NRG1: variants seen among roughly 807,000 people sequenced by gnomAD.
NRG1 encodes the protein pro-neuregulin-1, membrane-bound isoform.
Under a neutral mutation model 63.8 loss-of-function variants are expected in NRG1, and 18 were observed. That is an observed-to-expected ratio of 0.28 (90% CI 0.19 to 0.42). The LOEUF (loss-of-function observed/expected upper bound fraction) is 0.42, where lower values mean the gene tolerates loss of function less well. Ranked by LOEUF, NRG1 falls within the 10% of genes least tolerant of loss-of-function variation. The pLI is 1.00. For synonymous variants in NRG1, 302 were observed against 301.3 expected (o/e 1.00, Z -0.02); for missense variants, 762 against 814.7 (o/e 0.94, Z 0.79).
chr8:32,746,596 T>A (rs1827476873), intron 7 of NRG1, among the ~76,000 whole-genome samples: 1 of 152,190 alleles, frequency 6.6e-6, no homozygotes, highest in African/African-American at 2.4e-5. Context: ...CGTGAGTCAA[T>A]ATTTAATAGT....
At chr8:32,415,926 C>T (rs997795249) in intron 1 of NRG1, among the ~76,000 whole-genome samples, 2 of 152,192 alleles carry the variant, frequency 1.3e-5, no homozygotes, top group Admixed American at 6.6e-5. Flanking sequence ...GTGCAGATTG[C>T]TGTATACTCA....
At chr8:32,670,572 A>G (rs1383985403) in intron 5 of NRG1, among the ~76,000 whole-genome samples, 2 of 152,236 alleles carry the variant, frequency 1.3e-5, no homozygotes, top group Non-Finnish European at 2.9e-5. Context: ...AGGGAAACAT[A>G]TCAAGATATT....
intron 1 of NRG1, among the ~76,000 whole-genome samples, chr8:32,125,578 C>T (rs534495568): frequency 6.6e-6 from 1 of 152,040 alleles, no homozygotes; most frequent in South Asian, 2.1e-4. Context: ...ACTCCTTAGT[C>T]TGACATTAAA....
At chr8:32,302,405 T>TAATAAACG (rs1212133374) in intron 1 of NRG1, among the ~76,000 whole-genome samples, 1 of 152,176 alleles carries the variant, frequency 6.6e-6, no homozygotes, top group Non-Finnish European at 1.5e-5. Flanking sequence ...AAGGGAGAAA[T>TAATAAACG]AATAAACGAG....
chr8:32,127,723 C>A (rs1048808323), intron 1 of NRG1, among the ~76,000 whole-genome samples: 3 of 151,712 alleles, frequency 2.0e-5, no homozygotes, highest in African/African-American at 4.8e-5. Context: ...GGAAGACACT[C>A]TTTTGCTGCT....
intron 1 of NRG1, among the ~76,000 whole-genome samples, chr8:31,711,782 G>C (rs1286780585): frequency 6.6e-6 from 1 of 152,184 alleles, no homozygotes; most frequent in African/African-American, 2.4e-5. Flanking sequence ...TGGCAGATCT[G>C]TGTCTGGTGA....
At chr8:32,272,958 C>G (rs1851698222) in intron 1 of NRG1, among the ~76,000 whole-genome samples, 1 of 152,114 alleles carries the variant, frequency 6.6e-6, no homozygotes, top group South Asian at 2.1e-4. Flanking sequence ...TATTGAAGTT[C>G]AGAGGGCTGG....
At chr8:32,470,355 A>ATTTTTTTC (rs1003929407) in intron 1 of NRG1, among the ~76,000 whole-genome samples, 7 of 150,158 alleles carry the variant, frequency 4.7e-5, no homozygotes, top group Admixed American at 3.3e-4. Context: ...TAATTTATTT[A>ATTTTTTTC]TTTTTTTCTT....
chr8:32,249,261 T>C (rs1419396197), intron 1 of NRG1, among the ~76,000 whole-genome samples: 2 of 152,114 alleles, frequency 1.3e-5, no homozygotes, highest in South Asian at 2.1e-4. Flanking sequence ...TGCCACCGTA[T>C]CTGGCCAACA....
chr8:31,992,115 G>T (rs903702959), intron 1 of NRG1, among the ~76,000 whole-genome samples: 1 of 151,764 alleles, frequency 6.6e-6, no homozygotes, highest in African/African-American at 2.4e-5. Flanking sequence ...TGAGAGGATT[G>T]CTTGAGGCCA....
intron 5 of NRG1, among the ~76,000 whole-genome samples, chr8:32,696,800 A>G (rs992068030): frequency 6.6e-6 from 1 of 151,774 alleles, no homozygotes; most frequent in African/African-American, 2.4e-5. Context: ...AGCTGGGATT[A>G]CAGGCGTGCG....
intron 1 of NRG1, among the ~76,000 whole-genome samples, chr8:31,645,149 G>A (rs34945340): frequency 0.2 from 29,998 of 151,958 alleles, 3,686 homozygotes; most frequent in East Asian, 0.29. Context: ...TTGTTACTCC[G>A]CTTTTATGTT....
chr8:32,391,044 T>C (rs1430022724), intron 1 of NRG1, among the ~76,000 whole-genome samples: 1 of 152,196 alleles, frequency 6.6e-6, no homozygotes, highest in Non-Finnish European at 1.5e-5. Context: ...ACTTATTTTA[T>C]TTTCATCCAC....
At chr8:32,160,399 G>A (rs2131908185) in intron 1 of NRG1, among the ~76,000 whole-genome samples, 1 of 152,326 alleles carries the variant, frequency 6.6e-6, no homozygotes, top group East Asian at 1.9e-4. Context: ...CACTCATGAA[G>A]CAAACCATTG....
intron 1 of NRG1, among the ~76,000 whole-genome samples, chr8:32,299,776 G>A (rs576302248): frequency 4.6e-5 from 7 of 152,184 alleles, no homozygotes; most frequent in South Asian, 4.2e-4. Context: ...ACCAGATCTC[G>A]TGATACTTAT....
intron 1 of NRG1, among the ~76,000 whole-genome samples, chr8:32,332,110 A>G (rs1286483959): frequency 6.6e-6 from 1 of 151,994 alleles, no homozygotes. Flanking sequence ...GCATAGCAAG[A>G]CCCCATCTCT....
exon 1 of NRG1, chr8:31,639,407 C>A (rs1803511623): frequency 1.3e-6 from 2 of 1,534,860 alleles, no homozygotes; most frequent in Admixed American, 3.9e-5. Context: ...GGGGAAAGGA[C>A]GCGCGGGCCG....
intron 5 of NRG1, among the ~76,000 whole-genome samples, chr8:32,631,796 G>A (rs1166251353): frequency 1.3e-5 from 2 of 152,130 alleles, no homozygotes; most frequent in Non-Finnish European, 2.9e-5. Flanking sequence ...AATCTAGGAC[G>A]CTTTGAGACT....
chr8:32,166,096 T>C (rs986484752), intron 1 of NRG1, among the ~76,000 whole-genome samples: 2 of 152,176 alleles, frequency 1.3e-5, no homozygotes, highest in Non-Finnish European at 2.9e-5. Context: ...AGAGCCATTA[T>C]AGACAAATAT....
Sources: gnomAD v4.1 joint callset for allele counts (sites outside exome capture counted in the v4.1 genomes callset) on GRCh38, gnomAD v4.1.1 for gene constraint, MANE v1.5 for transcripts, NCBI Gene and HGNC (gene_info 2026-07-23, HGNC 2026-07-21) for gene names.